ERP44: variants seen among roughly 807,000 people sequenced by gnomAD.
ERP44 encodes endoplasmic reticulum protein 44.
ERP44 carries 25 observed loss-of-function variants against 53.4 expected under a neutral mutation model. That is an observed-to-expected ratio of 0.47 (90% confidence interval 0.34 to 0.65). ERP44 has a LOEUF of 0.65. Ranked by LOEUF, ERP44 falls within the 30% of genes least tolerant of loss-of-function variation. ERP44 has a pLI of 0.01. For synonymous variants in ERP44, 145 were observed against 161.2 expected, an observed-to-expected ratio of 0.90 and a Z score of 0.76; for missense variants, 338 against 493.2, an observed-to-expected ratio of 0.69 and a Z score of 2.98.
intron 4 of ERP44, among the ~76,000 whole-genome samples, chr9:100,036,043 G>C (rs1191030003): frequency 6.6e-6 from 1 of 152,136 alleles, no homozygotes; most frequent in East Asian, 1.9e-4. Context: ...CCCATTACTG[G>C]GGATATACCC....
chr9:99,984,582 T>C (rs1361307520), intron 11 of ERP44, among the ~76,000 whole-genome samples: 3 of 152,228 alleles, frequency 2.0e-5, no homozygotes, highest in Non-Finnish European at 4.4e-5. Context: ...ACTTTCTTTA[T>C]AGTGTGGTCA....
chr9:100,065,757 A>G (rs1826204067), intron 1 of ERP44, among the ~76,000 whole-genome samples: 2 of 152,216 alleles, frequency 1.3e-5, no homozygotes, highest in Admixed American at 1.3e-4. Context: ...AGTCATGAAA[A>G]TAAATGATTT....
chr9:100,028,952 C>A (rs1392923603), intron 4 of ERP44, among the ~76,000 whole-genome samples: 1 of 152,140 alleles, frequency 6.6e-6, no homozygotes. Flanking sequence ...AAATCTATTT[C>A]TGAGTCTAAA....
At chr9:100,061,955 C>A (rs1368468866) in intron 1 of ERP44, among the ~76,000 whole-genome samples, 1 of 152,148 alleles carries the variant, frequency 6.6e-6, no homozygotes, top group Admixed American at 6.5e-5. Flanking sequence ...TCTCCCTGAC[C>A]TTCTCCTGCC....
intron 10 of ERP44, among the ~76,000 whole-genome samples, chr9:99,986,338 A>T (rs550803815): frequency 9.9e-5 from 15 of 152,158 alleles, no homozygotes; most frequent in Non-Finnish European, 1.3e-4. Context: ...ATTTCTTCAC[A>T]AATTAAGCAT....
At chr9:100,008,415 T>A (rs1830440653) in intron 8 of ERP44, among the ~76,000 whole-genome samples, 1 of 152,220 alleles carries the variant, frequency 6.6e-6, no homozygotes, top group Non-Finnish European at 1.5e-5. Context: ...TGGGTAGACA[T>A]GATTAAATAA....
intron 10 of ERP44, among the ~76,000 whole-genome samples, chr9:100,001,742 T>C (rs975441404): frequency 2.6e-5 from 4 of 152,190 alleles, no homozygotes; most frequent in Non-Finnish European, 5.9e-5. Context: ...AGGCAGTTTA[T>C]AGTTGGGTAT....
chr9:100,053,715 G>A (rs1198516531), intron 3 of ERP44, among the ~76,000 whole-genome samples: 1 of 152,182 alleles, frequency 6.6e-6, no homozygotes, highest in East Asian at 1.9e-4. Flanking sequence ...TGTCATGGAT[G>A]ACTATGTTCT....
At chr9:100,004,195 G>A (rs1830405542) in intron 10 of ERP44, among the ~76,000 whole-genome samples, 1 of 152,148 alleles carries the variant, frequency 6.6e-6, no homozygotes, top group Non-Finnish European at 1.5e-5. Flanking sequence ...CTGGGTCCTG[G>A]GGCTTTAGGG....
rs371042452 is a variant in ERP44, at chr9:100,086,050, C to T, written c.57+12734G>A. ...TTTCTAAAGATTTGTCATCATTTTC[C>T]ATATACCTAGTCAATTACAACAGTC... On this transcript the variant is annotated intron_variant, in intron 1 of 11. Transcript: ENST00000262455. Among the ~76,000 whole-genome samples, 9 of 152,236 alleles carry T rather than the reference C, an allele frequency of 5.9e-5. No homozygotes were observed. The South Asian group carries it at 1.0e-3, about 18-fold the overall frequency.
intron 10 of ERP44, among the ~76,000 whole-genome samples, chr9:99,993,035 C>T (rs993950245): frequency 6.6e-6 from 1 of 152,212 alleles, no homozygotes; most frequent in African/African-American, 2.4e-5. Context: ...AATGGAAGAA[C>T]ATTCCATGCT....
intron 1 of ERP44, among the ~76,000 whole-genome samples, chr9:100,077,645 CACA>C (rs983807287): frequency 5.9e-5 from 9 of 152,232 alleles, no homozygotes; most frequent in South Asian, 2.1e-4. Flanking sequence ...GGAGGAATGA[CACA>C]ACAACAATTC....
chr9:99,999,018 C>T (rs1361670639), intron 10 of ERP44: 8 of 985,800 alleles, frequency 8.1e-6, no homozygotes, highest in Admixed American at 3.7e-5. Flanking sequence ...GCGTGGGCAG[C>T]GGGCGCAGCT....
intron 10 of ERP44, chr9:99,999,176 C>T: frequency 3.9e-6 from 2 of 514,048 alleles, no homozygotes; most frequent in South Asian, 4.5e-5. Flanking sequence ...GACCCTGTCC[C>T]CCGCCCCTCC....
At chr9:100,010,850 G>C (rs990390969) in intron 8 of ERP44, among the ~76,000 whole-genome samples, 1 of 146,624 alleles carries the variant, frequency 6.8e-6, no homozygotes, top group South Asian at 2.1e-4. Flanking sequence ...ACAGTGAGCC[G>C]AGATCGCACC....
Position 100,065,337 on chromosome 9 carries a change from T to C in ERP44, c.58-5165A>G, listed in dbSNP as rs377132301. On this transcript the variant is annotated intron_variant, in intron 1 of 11. Transcript: ENST00000262455. ...CCCAGATGTGTAGTAGGCTATACCA[T>C]CTAGGTTTGTGTAAGTATATTCTAT... Among the ~76,000 whole-genome samples the C allele has an allele frequency of 7.2e-5, 11 of 152,292 alleles. 1 individual carries two copies. Among genetic ancestry groups the C allele is most frequent in the Middle Eastern group, 6.8e-3 (2 of 294 alleles).
At chr9:99,985,466 G>C (rs1326632871) in intron 10 of ERP44, among the ~76,000 whole-genome samples, 1 of 152,200 alleles carries the variant, frequency 6.6e-6, no homozygotes, top group African/African-American at 2.4e-5. Context: ...AAAATAGTTA[G>C]GGGCTAACCA....
intron 1 of ERP44, 33 bp downstream of exon 1, chr9:100,098,751 G>T (rs374322405): frequency 3.1e-5 from 50 of 1,596,658 alleles, no homozygotes; most frequent in Non-Finnish European, 4.1e-5. Context: ...CCGTTCGTGC[G>T]TTTGTCGATG....
At chr9:100,086,164 C>T (rs1826479785) in intron 1 of ERP44, among the ~76,000 whole-genome samples, 1 of 152,142 alleles carries the variant, frequency 6.6e-6, no homozygotes, top group South Asian at 2.1e-4. Context: ...TTTCAAACAG[C>T]AGGGCATAAC....
Sources: gnomAD v4.1 joint callset for allele counts (sites outside exome capture counted in the v4.1 genomes callset) on GRCh38, gnomAD v4.1.1 for gene constraint, MANE v1.5 for transcripts, NCBI Gene and HGNC (gene_info 2026-07-23, HGNC 2026-07-21) for gene names.